FANCA: variants seen among roughly 807,000 people sequenced by gnomAD.
FANCA encodes FA complementation group A.
In FANCA, 236 loss-of-function variants were observed where a neutral mutation model predicts 194.3. That is an observed-to-expected ratio of 1.21 (90% CI 1.09 to 1.35). The LOEUF (loss-of-function observed/expected upper bound fraction) is 1.35, where lower values mean the gene tolerates loss of function less well. FANCA is among the 40% of genes most tolerant of loss of function. FANCA has a pLI of 0.00. For synonymous variants in FANCA, 1,014 were observed against 715.8 expected, an observed-to-expected ratio of 1.42 and a Z score of -6.65; for missense variants, 2,628 against 1,813.9, an observed-to-expected ratio of 1.45 and a Z score of -8.15.
At chr16:89,789,029 T>A (rs1163344741) in intron 14 of FANCA, among the ~76,000 whole-genome samples, 1 of 151,690 alleles carries the variant, frequency 6.6e-6, no homozygotes, top group Non-Finnish European at 1.5e-5. Context: ...GAGCCGCGGC[T>A]CGGGGAGACC....
At position 89,814,890 on chromosome 16, in the gene FANCA, G is replaced by A. The variant is rs542846379; in HGVS notation, c.190-277C>T. 1.4e-4 allele frequency among the ~76,000 whole-genome samples: 21 copies of A among 152,014 alleles called. No individual in the cohort carries two copies. The South Asian group carries it at 3.9e-3, about 29-fold the overall frequency. On this transcript the variant is annotated intron_variant, in intron 2 of 42. Coordinates refer to ENST00000389301, the MANE Select transcript of FANCA (RefSeq NM_000135.4). ...CGGGAGGTGGAGGCTGCAGTGAGCC[G>A]AGATCACCCCACTGCATACCAGCCC...
intron 29 of FANCA, among the ~76,000 whole-genome samples, chr16:89,761,051 T>C (rs1207527179): frequency 1.3e-5 from 2 of 152,200 alleles, no homozygotes; most frequent in African/African-American, 4.8e-5. Flanking sequence ...TCCCTGCTTC[T>C]AGAACACTCT....
chr16:89,787,255 G>T (rs1439643265), intron 14 of FANCA, among the ~76,000 whole-genome samples: 21 of 152,148 alleles, frequency 1.4e-4, no homozygotes, highest in Admixed American at 1.4e-3. Flanking sequence ...CGGGCGCGGT[G>T]GCTAGCGCCT....
At chr16:89,810,627 A>T (rs1329318726) in intron 5 of FANCA, 80 bp downstream of exon 5, 3 of 912,728 alleles carry the variant, frequency 3.3e-6, no homozygotes, top group Non-Finnish European at 3.7e-6. Flanking sequence ...AAGAAAACCC[A>T]GGTACTCTGT....
At chr16:89,787,879 A>C (rs901409972) in intron 14 of FANCA, among the ~76,000 whole-genome samples, 2 of 151,926 alleles carry the variant, frequency 1.3e-5, no homozygotes, top group African/African-American at 4.8e-5. Flanking sequence ...TAAAAAAAAA[A>C]AATTTTTTTT....
intron 30 of FANCA, 105 bp downstream of exon 30, chr16:89,758,472 C>G: frequency 7.0e-7 from 1 of 1,425,338 alleles, no homozygotes; most frequent in Non-Finnish European, 9.8e-7. Flanking sequence ...GCAGACCCAC[C>G]CTAAGCTAAT....
intron 3 of FANCA, among the ~76,000 whole-genome samples, chr16:89,811,660 G>A (rs748591260): frequency 6.6e-5 from 10 of 152,152 alleles, no homozygotes; most frequent in Non-Finnish European, 1.5e-4. Context: ...AGTGAGAAAC[G>A]GTGGGCAACC....
chr16:89,769,973 G>T lies in FANCA; in HGVS notation c.2368C>A (p.His790Asn). 6.2e-7 allele frequency: 1 copy of T among 1,613,980 alleles called. No individual in the cohort carries two copies. The highest frequency in any genetic ancestry group is 1.1e-5 in the South Asian group (1 of 91,080). The part of the protein sequence containing the change: ...HVLGLAALAV[H>N]LGESRSALPE... ...AGCGCAGACCTGGACTCACCCAGGT[G>T]CACGGCCAGGGCAGCCAACCCCAGC... Residue 790 changes from histidine to asparagine, a missense_variant, in exon 26 of 43, where the codon CAC becomes AAC. Physicochemically the swap from His to Asn is moderately conservative, Grantham distance 68 (BLOSUM62 1). Transcript: ENST00000389301.
Position 89,737,574 on chromosome 16 carries a change from CT to C in FANCA, c.*1026del. ...TTAAGGAAATAGCTTTCTGAGGTTT[CT>C]TTAAAAACCATCCTGAAATGCACAC... On this transcript the variant is annotated 3_prime_UTR_variant, in exon 43 of 43. Coordinates refer to ENST00000389301, the MANE Select transcript of FANCA (RefSeq NM_000135.4). The C allele has an allele frequency of 1.4e-6, 1 of 700,510 alleles. No homozygotes were observed. Among genetic ancestry groups the C allele is most frequent in the Non-Finnish European group, 2.2e-6 (1 of 456,992 alleles). The allele number at this position is 700,510 out of a possible 1,614,324, so 43.4% of individuals were successfully genotyped here.
At chr16:89,808,079 C>A (rs1384298240) in intron 6 of FANCA, among the ~76,000 whole-genome samples, 1 of 150,382 alleles carries the variant, frequency 6.6e-6, no homozygotes, top group East Asian at 1.9e-4. Flanking sequence ...AGACAAAAAG[C>A]AAACAAAACC....
rs924792101 is a variant in FANCA, at chr16:89,785,039, G to C, written c.1360-75C>G. Reference sequence around the variant, plus strand: ...CCACCTAGGCAGTGTCCTGTGTGGAGAGAAGAGCGTGAAGCCCAGGACAGC... The same window carrying C: ...CCACCTAGGCAGTGTCCTGTGTGGACAGAAGAGCGTGAAGCCCAGGACAGC... On this transcript the variant is annotated intron_variant, in intron 14 of 42. Coordinates refer to ENST00000389301, the MANE Select transcript of FANCA (RefSeq NM_000135.4). The C allele has an allele frequency of 5.8e-5, 62 of 1,066,452 alleles. No homozygotes were observed. In the East Asian group the frequency reaches 1.4e-3, roughly 25 times the overall value. 66.1% of individuals were successfully genotyped at this position (1,066,452 alleles called of 1,614,324 possible).
At chr16:89,776,626 G>A (rs2039515878) in intron 20 of FANCA, among the ~76,000 whole-genome samples, 1 of 151,892 alleles carries the variant, frequency 6.6e-6, no homozygotes, top group Non-Finnish European at 1.5e-5. Flanking sequence ...AGGAGATTGA[G>A]ACCATCCTGG....
intron 35 of FANCA, 113 bp from the exon 36 acceptor site, chr16:89,745,184 G>C (rs897914036): frequency 1.0e-6 from 1 of 993,128 alleles, no homozygotes; most frequent in Non-Finnish European, 1.5e-6. Context: ...GCCCACACTC[G>C]CCCTGCGCTC....
intron 11 of FANCA, 156 bp from the exon 12 acceptor site, chr16:89,792,703 A>T: frequency 2.1e-5 from 14 of 653,822 alleles, no homozygotes; most frequent in South Asian, 2.0e-4. Context: ...ATAAAAGACA[A>T]GACAGCTGGG....
rs377475477 is a variant in FANCA at position 89,770,221 on chromosome 16, C to T, written c.2261G>A (p.Cys754Tyr). The change falls in exon 25 of 43, where the codon TGT becomes TAT. Residue 754 changes from cysteine to tyrosine, a missense_variant. Cys to Tyr is a radical substitution (Grantham distance 194). Coordinates refer to ENST00000389301, the MANE Select transcript of FANCA (RefSeq NM_000135.4). ...PWAALFVRTM[C>Y]GRVLPAVLTR... ...GAGCACTGCAGGGAGCACACGTCCACACATGGTCCTCACGAAGAGGGCAGC... is the reference window on the plus strand; with the variant it reads ...GAGCACTGCAGGGAGCACACGTCCATACATGGTCCTCACGAAGAGGGCAGC... 6.3e-7 allele frequency: 1 copy of T among 1,592,470 alleles called. No individual in the cohort carries two copies.
chr16:89,793,209 T>C lies in FANCA; in HGVS notation c.1007-662A>G, dbSNP rs17232498. On this transcript the variant is annotated intron_variant, in intron 11 of 42. Transcript: ENST00000389301. ...CGGTCTAAGTAGTGAGTGGTGTTCC[T>C]TGACACCTTTTGCTACCGCTGGACC... 4.0e-3 allele frequency among the ~76,000 whole-genome samples: 615 copies of C among 152,244 alleles called. 2 individuals are homozygous for C. Among genetic ancestry groups the C allele is most frequent in the Admixed American group, 6.5e-3 (100 of 15,304 alleles).
intron 2 of FANCA, 42 bp from the exon 3 acceptor site, chr16:89,814,655 G>A: frequency 6.7e-7 from 1 of 1,488,820 alleles, no homozygotes; most frequent in Non-Finnish European, 9.4e-7. Flanking sequence ...AAAAATTCAA[G>A]CTCCAGGCCA....
At chr16:89,744,042 C>T (rs995789053) in intron 36 of FANCA, among the ~76,000 whole-genome samples, 3 of 152,016 alleles carry the variant, frequency 2.0e-5, no homozygotes, top group Admixed American at 6.5e-5. Context: ...GGACTACAGG[C>T]GCACACTATC....
chr16:89,760,104 C>A (rs751221202), intron 29 of FANCA, among the ~76,000 whole-genome samples: 1 of 152,226 alleles, frequency 6.6e-6, no homozygotes, highest in Non-Finnish European at 1.5e-5. Context: ...GAAAGAAAAT[C>A]CCGCAACACA....
Sources: allele counts gnomAD v4.1 joint callset (sites outside exome capture counted in the v4.1 genomes callset), GRCh38; gene constraint gnomAD v4.1.1; transcripts MANE v1.5; gene names NCBI Gene and HGNC (gene_info 2026-07-23, HGNC 2026-07-21).